The following WWOX variants were observed in gnomAD, a reference collection of about 807,000 sequenced individuals.
The protein encoded by WWOX is WW domain containing oxidoreductase.
WWOX carries 69 observed loss-of-function variants against 46.2 expected under a neutral mutation model. That is an observed-to-expected ratio of 1.49 (90% CI 1.23 to 1.82). The LOEUF (loss-of-function observed/expected upper bound fraction) is 1.82, where lower values mean the gene tolerates loss of function less well. Among genes scored for constraint, WWOX ranks in the 40% most tolerant of loss-of-function variants. The pLI, the probability that WWOX is intolerant of heterozygous loss-of-function variation, is 0.00. For missense variants in WWOX, 919 were observed against 542.6 expected (o/e 1.69, Z -6.89); for synonymous variants, 359 against 202.6 (o/e 1.77, Z -6.56).
intron 8 of WWOX, among the ~76,000 whole-genome samples, chr16:78,685,789 G>C (rs527850012): frequency 6.6e-6 from 1 of 152,030 alleles, no homozygotes. Context: ...CCCATGTGTG[G>C]TGTATCTGTA....
chr16:78,327,252 A>G (rs10871349), intron 5 of WWOX, among the ~76,000 whole-genome samples: 49,653 of 152,064 alleles, frequency 0.33, 9,491 homozygotes, highest in East Asian at 0.61. Flanking sequence ...CGGGAAAGAA[A>G]TCACTCTGTC....
chr16:78,167,132 T>A (rs1380224220), intron 5 of WWOX: 1 of 152,204 alleles, frequency 6.6e-6, no homozygotes, highest in Non-Finnish European at 1.5e-5. Context: ...ATTAAATTTA[T>A]CCTCTTCTTT....
At chr16:78,786,721 A>G (rs1374162295) in intron 8 of WWOX, among the ~76,000 whole-genome samples, 3 of 152,234 alleles carry the variant, frequency 2.0e-5, no homozygotes, top group Non-Finnish European at 2.9e-5. Flanking sequence ...ATATCACTCA[A>G]TCACTGTTTC....
At chr16:78,297,748 A>T (rs1461857980) in intron 5 of WWOX, among the ~76,000 whole-genome samples, 3 of 152,154 alleles carry the variant, frequency 2.0e-5, no homozygotes, top group Admixed American at 1.3e-4. Context: ...GGAATACAAA[A>T]GTCATGACCT....
At position 78,427,351 on chromosome 16, in the gene WWOX, C is replaced by T. The variant is rs1359356718; in HGVS notation, c.791+2296C>T. ...GAATCTGAGCAACTGAATTGAGTTT[C>T]TGCATACCTAAAATACATCATAGTG... On this transcript the variant is annotated intron_variant, in intron 7 of 8. Transcript: ENST00000566780. Among the ~76,000 whole-genome samples, 6 of 152,190 alleles carry T rather than the reference C, an allele frequency of 3.9e-5. No individual in the cohort carries two copies. The East Asian group carries it at 1.2e-3, about 29-fold the overall frequency.
intron 8 of WWOX, among the ~76,000 whole-genome samples, chr16:78,887,518 C>CACACACACACACACACACAT (rs1199309440): frequency 2.7e-5 from 4 of 147,340 alleles, no homozygotes; most frequent in African/African-American, 1.0e-4. Flanking sequence ...CACACACACA[C>CACACACACACACACACACAT]AAGAAATGAC....
chr16:78,543,451 C>G (rs576850891), intron 8 of WWOX, among the ~76,000 whole-genome samples: 1 of 152,290 alleles, frequency 6.6e-6, no homozygotes, highest in South Asian at 2.1e-4. Context: ...TTGATAAAGT[C>G]AAACTTGTGA....
chr16:78,810,310 C>T (rs765692241), intron 8 of WWOX, among the ~76,000 whole-genome samples: 2 of 152,206 alleles, frequency 1.3e-5, no homozygotes, highest in African/African-American at 2.4e-5. Context: ...TATGAAATAT[C>T]ATGTTCTGCC....
intron 8 of WWOX, among the ~76,000 whole-genome samples, chr16:78,904,230 A>G (rs1394409840): frequency 6.9e-6 from 1 of 144,806 alleles, no homozygotes; most frequent in African/African-American, 2.5e-5. Context: ...GATCTTATAA[A>G]TGCCTTTTTT....
At chr16:78,144,448 C>CGT (rs71380475) in intron 4 of WWOX, among the ~76,000 whole-genome samples, 316 of 17,462 alleles carry the variant, frequency 0.018, 40 homozygotes, top group East Asian at 0.051. Context: ...TATATATATA[C>CGT]ACATATATAT....
At chr16:78,347,307 C>G (rs1042808912) in intron 5 of WWOX, among the ~76,000 whole-genome samples, 2 of 116,634 alleles carry the variant, frequency 1.7e-5, no homozygotes, top group African/African-American at 5.9e-5. Context: ...TAGATCATAC[C>G]CATTCCCAAG....
chr16:78,481,769 G>GCGCA (rs1555547266), intron 8 of WWOX, among the ~76,000 whole-genome samples: 1 of 151,030 alleles, frequency 6.6e-6, no homozygotes, highest in African/African-American at 2.5e-5. Flanking sequence ...GTGTGTGCGC[G>GCGCA]CGCCTGCATG....
At chr16:78,685,067 C>T (rs1050891594) in intron 8 of WWOX, among the ~76,000 whole-genome samples, 9 of 152,144 alleles carry the variant, frequency 5.9e-5, no homozygotes, top group Admixed American at 1.3e-4. Context: ...ACTGTAACAT[C>T]GTCCACCCTC....
At chr16:78,406,571 A>C (rs545077556) in intron 6 of WWOX, among the ~76,000 whole-genome samples, 281 of 150,242 alleles carry the variant, frequency 1.9e-3, no homozygotes, top group Middle Eastern at 7.1e-3. Flanking sequence ...GGATGGTCTC[A>C]GTCTCCTGAC....
At chr16:78,253,842 A>G (rs1764281241) in intron 5 of WWOX, among the ~76,000 whole-genome samples, 2 of 152,156 alleles carry the variant, frequency 1.3e-5, no homozygotes, top group African/African-American at 4.8e-5. Flanking sequence ...GGAAAGAAAA[A>G]TGTAAGGTGG....
rs1033339403 is a variant in WWOX, at chr16:78,641,771, C to T, written c.1056+209019C>T. Among the ~76,000 whole-genome samples, 4 of 152,168 alleles carry T rather than the reference C, an allele frequency of 2.6e-5. No individual in the cohort carries two copies. In the East Asian group the frequency reaches 7.7e-4, roughly 29 times the overall value. ...GACGAAGACTAATTACCTGACAGAG[C>T]TCCCCTCCACTCGCCTGGGTCATTG... On this transcript the variant is annotated intron_variant, in intron 8 of 8. Transcript: ENST00000566780.
intron 5 of WWOX, among the ~76,000 whole-genome samples, chr16:78,175,003 A>AATAAT (rs2035287586): frequency 7.1e-6 from 1 of 141,256 alleles, no homozygotes; most frequent in Non-Finnish European, 1.5e-5. Flanking sequence ...TAATAGTAAT[A>AATAAT]ATAATAATAA....
intron 8 of WWOX, among the ~76,000 whole-genome samples, chr16:78,657,715 C>T (rs2047113268): frequency 6.6e-6 from 1 of 152,182 alleles, no homozygotes; most frequent in African/African-American, 2.4e-5. Context: ...CCTTTTCTAG[C>T]TTGGAAGGTG....
chr16:78,991,513 A>G (rs1358181821), intron 8 of WWOX, among the ~76,000 whole-genome samples: 2 of 148,666 alleles, frequency 1.3e-5, no homozygotes, highest in East Asian at 2.1e-4. Context: ...AGATGGGAAG[A>G]TGGCTTGAGC....
Sources: allele counts gnomAD v4.1 joint callset (sites outside exome capture counted in the v4.1 genomes callset), GRCh38; gene constraint gnomAD v4.1.1; transcripts MANE v1.5; gene names NCBI Gene and HGNC (gene_info 2026-07-23, HGNC 2026-07-21).